Variants in CLDN10 observed in about 807,000 individuals in gnomAD.
CLDN10 encodes claudin 10.
A neutral mutation model predicts 22.9 loss-of-function variants in CLDN10; 15 were observed. The observed-to-expected ratio is 0.65, with a 90% confidence interval of 0.44 to 1.01. CLDN10 has a LOEUF of 1.01. Ranked by LOEUF, CLDN10 falls within the 50% of genes least tolerant of loss-of-function variation. CLDN10 has a pLI of 0.00. For synonymous variants in CLDN10, 114 were observed against 111.4 expected (o/e 1.02, Z -0.15); for missense variants, 247 against 287.8 (o/e 0.86, Z 1.03).
intron 1 of CLDN10, among the ~76,000 whole-genome samples, chr13:95,476,390 G>A (rs982731771): frequency 6.6e-6 from 1 of 152,174 alleles, no homozygotes; most frequent in African/African-American, 2.4e-5. Flanking sequence ...TCACAGGTGA[G>A]TCTTCTCTCT....
At chr13:95,490,473 G>A (rs1327452107) in intron 1 of CLDN10, among the ~76,000 whole-genome samples, 1 of 152,122 alleles carries the variant, frequency 6.6e-6, no homozygotes, top group East Asian at 1.9e-4. Flanking sequence ...TGTCATTATT[G>A]TCATTCAGTT....
At chr13:95,576,463 G>A (rs2043927843) in intron 3 of CLDN10, among the ~76,000 whole-genome samples, 1 of 152,100 alleles carries the variant, frequency 6.6e-6, no homozygotes, top group Non-Finnish European at 1.5e-5. Context: ...ACAAACATGA[G>A]AACACACATA....
intron 3 of CLDN10, among the ~76,000 whole-genome samples, chr13:95,568,890 G>A: frequency 6.6e-6 from 1 of 152,106 alleles, no homozygotes; most frequent in Non-Finnish European, 1.5e-5. Flanking sequence ...TAAGGACTCT[G>A]GATCCAGGCT....
intron 3 of CLDN10, among the ~76,000 whole-genome samples, chr13:95,566,453 C>G (rs1465849793): frequency 6.6e-6 from 1 of 152,128 alleles, no homozygotes; most frequent in Non-Finnish European, 1.5e-5. Context: ...ATATCCTTTG[C>G]CCACTTTTTG....
At chr13:95,449,411 C>T (rs1174442660) in intron 1 of CLDN10, among the ~76,000 whole-genome samples, 2 of 151,882 alleles carry the variant, frequency 1.3e-5, no homozygotes, top group Non-Finnish European at 2.9e-5. Flanking sequence ...ACCACCACAC[C>T]CAGCTAATTT....
intron 1 of CLDN10, among the ~76,000 whole-genome samples, chr13:95,459,173 G>A (rs1026959874): frequency 5.3e-4 from 81 of 152,180 alleles, no homozygotes; most frequent in Admixed American, 3.5e-3. Context: ...CCCCACTCCT[G>A]GCTGCTTTCA....
intron 3 of CLDN10, among the ~76,000 whole-genome samples, chr13:95,575,873 G>A (rs1413525387): frequency 1.3e-5 from 2 of 152,134 alleles, no homozygotes; most frequent in African/African-American, 4.8e-5. Context: ...GCACAAGTGG[G>A]CCCCGTGTCC....
intron 1 of CLDN10, among the ~76,000 whole-genome samples, chr13:95,464,076 A>G (rs1332159918): frequency 6.6e-6 from 1 of 151,338 alleles, no homozygotes; most frequent in Non-Finnish European, 1.5e-5. Flanking sequence ...TAGTCCCAAG[A>G]CAGACCCATG....
intron 1 of CLDN10, among the ~76,000 whole-genome samples, chr13:95,526,153 G>A (rs1399349088): frequency 6.6e-6 from 1 of 151,870 alleles, no homozygotes; most frequent in Non-Finnish European, 1.5e-5. Context: ...ATGTTCTTTA[G>A]CTGTGCTTAT....
chr13:95,478,516 G>GA (rs1399663651), intron 1 of CLDN10, among the ~76,000 whole-genome samples: 2 of 152,330 alleles, frequency 1.3e-5, no homozygotes, highest in East Asian at 3.9e-4. Flanking sequence ...AGAGAACAGA[G>GA]AAACAGAGGA....
chr13:95,505,536 C>G lies in CLDN10; in HGVS notation c.215-54596C>G, dbSNP rs2043028857. Among the ~76,000 whole-genome samples the G allele has an allele frequency of 3.3e-5, 5 of 152,274 alleles. No homozygotes were observed. The South Asian group carries it at 1.0e-3, about 32-fold the overall frequency. On this transcript the variant is annotated intron_variant, in intron 1 of 4. Transcript: ENST00000376873. ...CAGGCCAAGTCCCTTTGTGCCTTAT[C>G]TGAAGGGTATTTTTGGCTCCAGGGT...
chr13:95,564,974 C>T (rs141672163), intron 3 of CLDN10, among the ~76,000 whole-genome samples: 2,836 of 152,260 alleles, frequency 0.019, 113 homozygotes, highest in Admixed American at 0.095. Context: ...CTCTATTTTT[C>T]CCTTTTGTTT....
intron 1 of CLDN10, among the ~76,000 whole-genome samples, chr13:95,435,149 C>A (rs924779230): frequency 4.6e-5 from 7 of 152,158 alleles, no homozygotes; most frequent in African/African-American, 1.7e-4. Context: ...TTCAGGGAAA[C>A]AATTGTCATT....
At chr13:95,481,782 A>G (rs11617639) in intron 1 of CLDN10, among the ~76,000 whole-genome samples, 89,892 of 152,060 alleles carry the variant, frequency 0.59, 27,719 homozygotes, top group African/African-American at 0.78. Context: ...CATTTTGGGA[A>G]GCCGAAGTGA....
chr13:95,538,157 T>A (rs1160895961), intron 1 of CLDN10, among the ~76,000 whole-genome samples: 1 of 69,156 alleles, frequency 1.4e-5, no homozygotes, highest in African/African-American at 4.2e-5. Context: ...TTATTTCTTT[T>A]TTTTTTTTTT....
At chr13:95,457,979 G>C (rs946991490) in intron 1 of CLDN10, among the ~76,000 whole-genome samples, 1 of 152,142 alleles carries the variant, frequency 6.6e-6, no homozygotes, top group East Asian at 1.9e-4. Flanking sequence ...AGCTAATCTA[G>C]GCTGGACTTT....
At position 95,443,360 on chromosome 13, in the gene CLDN10, A is replaced by G. The variant is rs575829383; in HGVS notation, c.214+9313A>G. ...GGGGAAGGTCAAGGAAAAGAATCTT[A>G]TTGTATGACGTAGACTAACCTGTGT... On this transcript the variant is annotated intron_variant, in intron 1 of 4. Transcript: ENST00000376873. Among the ~76,000 whole-genome samples the G allele has an allele frequency of 3.3e-5, 5 of 152,318 alleles. No homozygotes were observed. In the South Asian group the frequency reaches 1.0e-3, roughly 32 times the overall value.
chr13:95,445,514 T>C (rs1158561821), intron 1 of CLDN10, among the ~76,000 whole-genome samples: 1 of 152,212 alleles, frequency 6.6e-6, no homozygotes. Context: ...AATTGTTGAG[T>C]CTTGGTGACT....
chr13:95,570,924 C>T (rs576415375), intron 3 of CLDN10, among the ~76,000 whole-genome samples: 3 of 138,382 alleles, frequency 2.2e-5, no homozygotes, highest in Non-Finnish European at 4.6e-5. Context: ...TTTCAGCATT[C>T]CTGATTGCCT....
Sources: gnomAD v4.1 joint callset for allele counts (sites outside exome capture counted in the v4.1 genomes callset) on GRCh38, gnomAD v4.1.1 for gene constraint, MANE v1.5 for transcripts, NCBI Gene and HGNC (gene_info 2026-07-23, HGNC 2026-07-21) for gene names.